The following IGSF10 variants were observed in gnomAD, a reference collection of about 807,000 sequenced individuals.
IGSF10 encodes the protein immunoglobulin superfamily member 10, also known as calvaria mechanical force protein 608.
Under a neutral mutation model 128.2 loss-of-function variants are expected in IGSF10, and 126 were observed. The ratio of observed to expected loss-of-function variants is 0.98; its 90% CI spans 0.85 to 1.14. IGSF10 has a LOEUF of 1.14. Ranked by LOEUF, IGSF10 falls within the 50% of genes most tolerant of loss-of-function variation. The pLI is 0.00. For synonymous variants in IGSF10, 1,185 were observed against 1,146.2 expected (o/e 1.03, Z -0.68); for missense variants, 3,295 against 3,149.8 (o/e 1.05, Z -1.10).
At chr3:151,511,135 G>C in the IGSF10 span, among the ~76,000 whole-genome samples, 1 of 152,078 alleles carries the variant, frequency 6.6e-6, no homozygotes, top group Admixed American at 6.5e-5. Flanking sequence ...TACTCCTCGA[G>C]AAGAGCAACT....
rs550459840 is a variant in IGSF10, at chr3:151,438,562, G to A, written c.5999C>T (p.Ser2000Phe). 1 of 1,613,638 alleles carries A rather than the reference G, an allele frequency of 6.2e-7. No individual in the cohort carries two copies. The highest frequency in any genetic ancestry group is 1.1e-5 in the South Asian group (1 of 91,056). The stretch of plus-strand genomic sequence containing the variant: ...TTCTGTTACTGATCCAATAAACAGG[G>A]ATCCATTAGGGTAGACGTGGATCCA... ...GSWIHVYPNG[S>F]LFIGSVTEKD... is the part of the protein sequence containing the mutation. The change falls in exon 8 of 8, where the codon TCC (serine) becomes TTC (phenylalanine). Residue 2000 changes from serine (S) to phenylalanine (F), a missense_variant. Coordinates refer to ENST00000282466, the MANE Select transcript of IGSF10 (RefSeq NM_178822.5).
chr3:151,594,185 A>G, the IGSF10 span, among the ~76,000 whole-genome samples: 1 of 152,294 alleles, frequency 6.6e-6, no homozygotes, highest in South Asian at 2.1e-4. Flanking sequence ...TGGAACTCCA[A>G]ATTCCAAGAA....
chr3:151,445,548 G>A lies in IGSF10; in HGVS notation c.4433C>T (p.Ser1478Phe), dbSNP rs747008892. The change falls in exon 6 of 8, where the codon TCC becomes TTC. Residue 1478 changes from serine to phenylalanine, a missense_variant. Transcript: ENST00000282466. Reference protein sequence around the residue: ...SSATLMPVPISPPFTQRAVTD... With the variant: ...SSATLMPVPIFPPFTQRAVTD... ...AACTGCTCTCTGAGTAAAGGGAGGG[G>A]AGATGGGAACTGGCATTAGAGTAGC... The A allele has an allele frequency of 6.2e-7, 1 of 1,614,220 alleles. No individual in the cohort carries two copies. The highest frequency in any genetic ancestry group is 8.5e-7 in the Non-Finnish European group (1 of 1,180,026).
downstream of IGSF10, chr3:151,432,827 A>G: frequency 3.8e-6 from 6 of 1,598,598 alleles, no homozygotes; most frequent in Non-Finnish European, 5.1e-6. Flanking sequence ...AGAAGACATG[A>G]CGTTTTATGT....
At chr3:151,592,221 T>TACACACAC in the IGSF10 span, among the ~76,000 whole-genome samples, 58 of 150,454 alleles carry the variant, frequency 3.9e-4, no homozygotes, top group East Asian at 1.4e-3. Flanking sequence ...TTGAGATTAA[T>TACACACAC]ACACACACAC....
At chr3:151,568,449 C>T in the IGSF10 span, among the ~76,000 whole-genome samples, 1 of 152,144 alleles carries the variant, frequency 6.6e-6, no homozygotes, top group Non-Finnish European at 1.5e-5. Context: ...GTCTGGGACA[C>T]TACTAGATAG....
chr3:151,545,939 G>T, the IGSF10 span, among the ~76,000 whole-genome samples: 3 of 151,666 alleles, frequency 2.0e-5, no homozygotes, highest in South Asian at 6.2e-4. Context: ...CTATCCAAAT[G>T]TTGCTCGCAG....
chr3:151,567,029 G>T, the IGSF10 span, among the ~76,000 whole-genome samples: 1 of 152,174 alleles, frequency 6.6e-6, no homozygotes, highest in African/African-American at 2.4e-5. Flanking sequence ...TAGCCTGTAG[G>T]CAAATGTATT....
chr3:151,491,066 T>C, the IGSF10 span, among the ~76,000 whole-genome samples: 2 of 151,908 alleles, frequency 1.3e-5, no homozygotes, highest in African/African-American at 2.4e-5. Flanking sequence ...TAAAACCAAG[T>C]TGATTCTTTG....
the IGSF10 span, among the ~76,000 whole-genome samples, chr3:151,609,538 A>G: frequency 1.3e-5 from 2 of 152,210 alleles, no homozygotes; most frequent in East Asian, 1.9e-4. Flanking sequence ...AAAAAAACAC[A>G]TGCACTCATA....
chr3:151,538,926 C>T, the IGSF10 span, among the ~76,000 whole-genome samples: 856 of 152,230 alleles, frequency 5.6e-3, 2 homozygotes, highest in African/African-American at 0.018. Flanking sequence ...CTCCAGCAAA[C>T]GAAAACACAT....
chr3:151,551,970 C>A, the IGSF10 span, among the ~76,000 whole-genome samples: 1 of 152,120 alleles, frequency 6.6e-6, no homozygotes, highest in Non-Finnish European at 1.5e-5. Context: ...TCACTCACTG[C>A]ATGATGTGGT....
At chr3:151,505,680 T>C in the IGSF10 span, among the ~76,000 whole-genome samples, 18 of 152,324 alleles carry the variant, frequency 1.2e-4, no homozygotes, top group East Asian at 3.5e-3. Context: ...AACACTGCAC[T>C]GAATTGCATT....
chr3:151,568,694 TCC>T, the IGSF10 span, among the ~76,000 whole-genome samples: 1 of 152,080 alleles, frequency 6.6e-6, no homozygotes, highest in Non-Finnish European at 1.5e-5. Flanking sequence ...CCTCCAACCC[TCC>T]CATGCAATAG....
chr3:151,618,704 C>T, the IGSF10 span, among the ~76,000 whole-genome samples: 14 of 144,706 alleles, frequency 9.7e-5, no homozygotes, highest in South Asian at 1.1e-3. Context: ...CACTCCAGCC[C>T]GGGCAACAGA....
chr3:151,571,780 G>A, the IGSF10 span, among the ~76,000 whole-genome samples: 1 of 152,154 alleles, frequency 6.6e-6, no homozygotes, highest in African/African-American at 2.4e-5. Flanking sequence ...GGTGAGAGAG[G>A]GCATCCCTGT....
chr3:151,439,287 TAACAA>T (rs1335402509), intron 7 of IGSF10, among the ~76,000 whole-genome samples: 1 of 152,218 alleles, frequency 6.6e-6, no homozygotes, highest in Non-Finnish European at 1.5e-5. Context: ...CAGTTATTAG[TAACAA>T]AACAATTACT....
the IGSF10 span, among the ~76,000 whole-genome samples, chr3:151,490,613 C>T: frequency 6.6e-6 from 1 of 151,778 alleles, no homozygotes; most frequent in African/African-American, 2.4e-5. Flanking sequence ...CCATGATAGA[C>T]TGTATGTAAA....
chr3:151,597,418 A>G, the IGSF10 span, among the ~76,000 whole-genome samples: 1 of 152,220 alleles, frequency 6.6e-6, no homozygotes, highest in African/African-American at 2.4e-5. Context: ...AAGCCCAGAG[A>G]GCTGGAGGAT....
Sources: allele counts gnomAD v4.1 joint callset (sites outside exome capture counted in the v4.1 genomes callset), GRCh38; gene constraint gnomAD v4.1.1; transcripts MANE v1.5; gene names NCBI Gene and HGNC (gene_info 2026-07-23, HGNC 2026-07-21).